Variants in RPS6KA5 observed in about 807,000 individuals in gnomAD.
RPS6KA5 encodes ribosomal protein S6 kinase A5.
Under a neutral mutation model 85.5 loss-of-function variants are expected in RPS6KA5, and 27 were observed. That is an observed-to-expected ratio of 0.32 (90% CI 0.23 to 0.44). RPS6KA5 has a LOEUF of 0.44. Ranked by LOEUF, RPS6KA5 falls within the 20% of genes least tolerant of loss-of-function variation. The pLI, the probability that RPS6KA5 is intolerant of heterozygous loss-of-function variation, is 1.00. For missense variants in RPS6KA5, 811 were observed against 980.9 expected (o/e 0.83, Z 2.31); for synonymous variants, 334 against 348.2 (o/e 0.96, Z 0.46).
intron 3 of RPS6KA5, among the ~76,000 whole-genome samples, chr14:90,960,111 C>A (rs908781176): frequency 1.4e-4 from 22 of 152,086 alleles, no homozygotes; most frequent in African/African-American, 4.6e-4. Context: ...TCTTTGTATT[C>A]ACATTTGGAC....
chr14:90,888,401 A>AC (rs2034358759), intron 14 of RPS6KA5, among the ~76,000 whole-genome samples: 1 of 152,186 alleles, frequency 6.6e-6, no homozygotes, highest in South Asian at 2.1e-4. Context: ...ATTTAGATTA[A>AC]TCTTTAAGAC....
At chr14:91,042,964 T>C (rs1242152523) in intron 1 of RPS6KA5, among the ~76,000 whole-genome samples, 1 of 152,174 alleles carries the variant, frequency 6.6e-6, no homozygotes, top group East Asian at 1.9e-4. Flanking sequence ...CTCTCTTTAA[T>C]ATCCTCCAGA....
intron 2 of RPS6KA5, among the ~76,000 whole-genome samples, chr14:90,993,251 C>T (rs552124850): frequency 6.6e-6 from 1 of 152,112 alleles, no homozygotes; most frequent in Admixed American, 6.5e-5. Flanking sequence ...ATCGGCCTGG[C>T]TAATATGGTG....
intron 2 of RPS6KA5, among the ~76,000 whole-genome samples, chr14:90,992,324 G>A (rs2040344487): frequency 6.6e-6 from 1 of 152,126 alleles, no homozygotes; most frequent in Admixed American, 6.5e-5. Flanking sequence ...AGTCTCCATG[G>A]CTGACAACTG....
intron 1 of RPS6KA5, among the ~76,000 whole-genome samples, chr14:91,017,942 C>T (rs560475820): frequency 2.0e-5 from 3 of 152,180 alleles, no homozygotes; most frequent in Non-Finnish European, 4.4e-5. Flanking sequence ...TCCTGAACTG[C>T]TACTCCACAA....
intron 9 of RPS6KA5, among the ~76,000 whole-genome samples, 176 bp downstream of exon 9, chr14:90,902,632 T>G (rs1043834650): frequency 6.6e-6 from 1 of 152,276 alleles, no homozygotes; most frequent in African/African-American, 2.4e-5. Context: ...TATCTGCTAT[T>G]GAGCAAACTA....
Position 90,998,280 on chromosome 14 carries a change from C to T in RPS6KA5, c.175+2808G>A, listed in dbSNP as rs1408723545. Among the ~76,000 whole-genome samples, 5 of 152,244 alleles carry T rather than the reference C, an allele frequency of 3.3e-5. No homozygotes were observed. In the East Asian group the frequency reaches 9.7e-4, roughly 29 times the overall value. ...CTGAAGTAAGGAAAATGTTATAAAA[C>T]TGACTGTTATAAAATTGCTGCACAA... On this transcript the variant is annotated intron_variant, in intron 2 of 16. Coordinates refer to ENST00000614987, the MANE Select transcript of RPS6KA5 (RefSeq NM_004755.4).
chr14:90,873,690 G>A lies in RPS6KA5; in HGVS notation c.2102C>T (p.Pro701Leu), dbSNP rs1298075797. 2 of 1,614,116 alleles carry A rather than the reference G, an allele frequency of 1.2e-6. No individual in the cohort carries two copies. The highest frequency in any genetic ancestry group is 1.7e-6 in the Non-Finnish European group (2 of 1,179,996). The change falls in exon 16 of 17, where the codon CCG becomes CTG. Residue 701 changes from proline to leucine, a missense_variant. By Grantham distance (98) the Pro-to-Leu change is moderately conservative (BLOSUM62 -3). Around this residue, in one of 3 missense-constraint regions of RPS6KA5, gnomAD observed 650 missense variants for 793.4 expected, o/e 0.82. Coordinates refer to ENST00000614987, the MANE Select transcript of RPS6KA5 (RefSeq NM_004755.4). The part of the protein sequence containing the change: ...SQLSSNPLMT[P>L]DILGSSGAAV... ...AGCTCCGGAAGATCCTAGAATATCC[G>A]GAGTCATCAGAGGATTGGAGGACAG... is the stretch of plus-strand genomic sequence containing the variant.
At chr14:90,963,039 T>C (rs943447116) in intron 3 of RPS6KA5, among the ~76,000 whole-genome samples, 5 of 152,198 alleles carry the variant, frequency 3.3e-5, no homozygotes, top group Admixed American at 6.5e-5. Context: ...ATGCTCTTTG[T>C]GGCTACTTTT....
intron 1 of RPS6KA5, among the ~76,000 whole-genome samples, chr14:91,016,931 C>G (rs1433386809): frequency 6.6e-6 from 1 of 151,330 alleles, no homozygotes; most frequent in African/African-American, 2.4e-5. Context: ...CAAAGGATGA[C>G]CTCAGCAGAG....
chr14:90,954,392 G>T (rs913525021), intron 3 of RPS6KA5, among the ~76,000 whole-genome samples: 1 of 152,038 alleles, frequency 6.6e-6, no homozygotes, highest in Non-Finnish European at 1.5e-5. Flanking sequence ...TTTTCTTTGT[G>T]TGTAGTTTTG....
chr14:90,899,438 C>A lies in RPS6KA5; in HGVS notation c.1380-16G>T, dbSNP rs749603991. On this transcript the variant is annotated splice_polypyrimidine_tract_variant and intron_variant, in intron 11 of 16. Coordinates refer to ENST00000614987, the MANE Select transcript of RPS6KA5 (RefSeq NM_004755.4). ...GGCTTCCATCCTGCAAGATGAGACACTTAGCATCCACATGTCTCTTCAAGA... is the reference window on the plus strand; with the variant it reads ...GGCTTCCATCCTGCAAGATGAGACAATTAGCATCCACATGTCTCTTCAAGA... 6.4e-7 allele frequency: 1 copy of A among 1,573,582 alleles called. No homozygotes were observed. Among genetic ancestry groups the A allele is most frequent in the Non-Finnish European group, 8.7e-7 (1 of 1,145,398 alleles).
At chr14:91,005,518 G>A (rs991889859) in intron 1 of RPS6KA5, among the ~76,000 whole-genome samples, 1 of 152,042 alleles carries the variant, frequency 6.6e-6, no homozygotes, top group African/African-American at 2.4e-5. Flanking sequence ...TTTAGGCATG[G>A]GGGAGTATTT....
At chr14:91,030,795 T>C (rs548851610) in intron 1 of RPS6KA5, among the ~76,000 whole-genome samples, 26 of 151,690 alleles carry the variant, frequency 1.7e-4, no homozygotes, top group Non-Finnish European at 3.5e-4. Context: ...TTAGAAAACT[T>C]TTAAATCTGT....
Position 91,037,757 on chromosome 14 carries a change from G to A in RPS6KA5, c.103+22575C>T, listed in dbSNP as rs1032359135. Among the ~76,000 whole-genome samples the A allele has an allele frequency of 2.6e-5, 4 of 152,280 alleles. No homozygotes were observed. The East Asian group carries it at 7.7e-4, about 29-fold the overall frequency. ...GTGTATCCTAGGACCAAGTTATTAG[G>A]ATGTCAAATCCTGAGTTACGAATAG... On this transcript the variant is annotated intron_variant, in intron 1 of 16. Transcript: ENST00000614987.
chr14:90,913,678 A>G (rs1427087560), intron 7 of RPS6KA5, among the ~76,000 whole-genome samples: 2 of 152,022 alleles, frequency 1.3e-5, no homozygotes, highest in African/African-American at 2.4e-5. Context: ...TTTTTTCTGT[A>G]GCCCACACAA....
intron 2 of RPS6KA5, among the ~76,000 whole-genome samples, chr14:90,993,430 A>C (rs1366574816): frequency 6.6e-6 from 1 of 151,794 alleles, no homozygotes; most frequent in Non-Finnish European, 1.5e-5. Flanking sequence ...ACAGAGCAAG[A>C]CTCCGTCTCA....
chr14:90,875,126 T>C (rs2033369449), intron 15 of RPS6KA5, 75 bp downstream of exon 15: 1 of 1,345,836 alleles, frequency 7.4e-7, no homozygotes, highest in East Asian at 2.3e-5. Flanking sequence ...AACATATGAA[T>C]GTATGTGTAA....
intron 1 of RPS6KA5, among the ~76,000 whole-genome samples, chr14:91,011,442 C>T (rs539083693): frequency 2.4e-4 from 37 of 152,012 alleles, no homozygotes; most frequent in Non-Finnish European, 4.6e-4. Context: ...GCTGAGATCG[C>T]GCCACTGCAC....
Sources: gnomAD v4.1 joint callset for allele counts (sites outside exome capture counted in the v4.1 genomes callset) on GRCh38, gnomAD v4.1.1 for gene constraint, gnomAD v4.1.1 regional missense constraint, MANE v1.5 for transcripts, NCBI Gene and HGNC (gene_info 2026-07-23, HGNC 2026-07-21) for gene names.